Variants in MACROH2A2 observed in about 807,000 individuals in gnomAD.
MACROH2A2 encodes core histone macro-H2A.2.
MACROH2A2 carries 6 observed loss-of-function variants against 37.6 expected under a neutral mutation model. The observed-to-expected ratio is 0.16, with a 90% CI of 0.09 to 0.32. MACROH2A2 has a LOEUF of 0.32. Ranked by LOEUF, MACROH2A2 falls within the 10% of genes least tolerant of loss-of-function variation. The pLI is 1.00. For synonymous variants in MACROH2A2, 192 were observed against 202.7 expected (o/e 0.95, Z 0.45); for missense variants, 290 against 485.9 (o/e 0.60, Z 3.79).
chr10:70,068,247 G>C (rs915317088), intron 1 of MACROH2A2, among the ~76,000 whole-genome samples: 1 of 152,188 alleles, frequency 6.6e-6, no homozygotes, highest in South Asian at 2.1e-4. Context: ...GCTTGTTGGT[G>C]GTGGGCCCTA....
Position 70,075,220 on chromosome 10 carries a change from T to TA in MACROH2A2, c.-59-379dup, listed in dbSNP as rs1403521028. Among the ~76,000 whole-genome samples, 1 of 152,190 alleles carries TA rather than the reference T, an allele frequency of 6.6e-6. No individual in the cohort carries two copies. The highest frequency in any genetic ancestry group is 2.4e-5 in the African/African-American group (1 of 41,448). The stretch of plus-strand genomic sequence containing the variant: ...ATAAACCTCCCCATCTCAAGACCCT[T>TA]AGCTTAATCCCATCTGCAAAGTCTC... On this transcript the variant is annotated intron_variant, in intron 1 of 8. Coordinates refer to ENST00000373255, the MANE Select transcript of MACROH2A2 (RefSeq NM_018649.3). The surrounding 1 kb of genome is among the most constrained non-coding windows in gnomAD (Gnocchi z 5.0).
At chr10:70,079,101 C>G (rs1412650216) in intron 2 of MACROH2A2, among the ~76,000 whole-genome samples, 5 of 152,150 alleles carry the variant, frequency 3.3e-5, no homozygotes, top group Non-Finnish European at 1.5e-5. Context: ...AGATCAGGTG[C>G]TGTCGGGCAG....
chr10:70,073,131 T>C (rs2072120408), intron 1 of MACROH2A2, among the ~76,000 whole-genome samples: 1 of 152,124 alleles, frequency 6.6e-6, no homozygotes, highest in African/African-American at 2.4e-5. Context: ...CTCCTTCCAC[T>C]ATAGCAAGAG....
At chr10:70,101,143 T>C (rs939031400) in intron 7 of MACROH2A2, among the ~76,000 whole-genome samples, 6 of 152,152 alleles carry the variant, frequency 3.9e-5, no homozygotes, top group Non-Finnish European at 2.9e-5. Context: ...CTGTCACTAA[T>C]GTGTGGCGGT....
intron 1 of MACROH2A2, among the ~76,000 whole-genome samples, chr10:70,056,274 T>A (rs920659154): frequency 6.6e-6 from 1 of 152,160 alleles, no homozygotes; most frequent in Non-Finnish European, 1.5e-5. Context: ...TTTGTTGAGA[T>A]GGAGTATCTC....
Position 70,111,599 on chromosome 10 carries a change from G to A in MACROH2A2, c.1035G>A (p.Ser345=), listed in dbSNP as rs761322113. The A allele has an allele frequency of 4.7e-5, 76 of 1,613,652 alleles. No individual in the cohort carries two copies. The highest frequency in any genetic ancestry group is 6.7e-5 in the Admixed American group (4 of 59,944). The change falls in exon 9 of 9, where the codon TCG becomes TCA. Residue 345 remains serine, a synonymous_variant. Transcript: ENST00000373255. ...SAHFDDSSAS[S]LKNVYFLLFD... ...ACTTTGATGACTCGAGCGCGTCCTCGCTGAAGAACGTGTACTTCCTGCTCT... is the reference window on the plus strand; with the variant it reads ...ACTTTGATGACTCGAGCGCGTCCTCACTGAAGAACGTGTACTTCCTGCTCT...
intron 1 of MACROH2A2, among the ~76,000 whole-genome samples, chr10:70,066,587 A>G (rs568435729): frequency 6.6e-6 from 1 of 152,308 alleles, no homozygotes; most frequent in Admixed American, 6.5e-5. Flanking sequence ...CAGGGTCTCT[A>G]CAAAGAACAA....
intron 1 of MACROH2A2, among the ~76,000 whole-genome samples, chr10:70,057,969 T>G (rs1191554076): frequency 6.6e-6 from 1 of 152,154 alleles, no homozygotes; most frequent in Non-Finnish European, 1.5e-5. Flanking sequence ...CCAGGCAGCA[T>G]GACCCCAAAG....
chr10:70,111,413 G>C, intron 8 of MACROH2A2, 105 bp from the exon 9 acceptor site: 1 of 989,044 alleles, frequency 1.0e-6, no homozygotes, highest in Non-Finnish European at 1.5e-6. Flanking sequence ...GCATGGACTA[G>C]CCCTGCACAC....
intron 1 of MACROH2A2, among the ~76,000 whole-genome samples, chr10:70,071,565 A>G (rs775986305): frequency 6.6e-6 from 1 of 152,202 alleles, no homozygotes; most frequent in African/African-American, 2.4e-5. Context: ...TCACTTAACG[A>G]AAGGGGTACG....
intron 8 of MACROH2A2, among the ~76,000 whole-genome samples, chr10:70,110,433 A>G (rs2072364051): frequency 6.6e-6 from 1 of 152,370 alleles, no homozygotes; most frequent in East Asian, 1.9e-4. Flanking sequence ...GGTTTGGAGC[A>G]TACATTTTTG....
chr10:70,068,075 T>G (rs2136620293), intron 1 of MACROH2A2, among the ~76,000 whole-genome samples: 1 of 152,156 alleles, frequency 6.6e-6, no homozygotes, highest in South Asian at 2.1e-4. Context: ...AAACTGTTGC[T>G]CTTCATTTTA....
intron 7 of MACROH2A2, among the ~76,000 whole-genome samples, chr10:70,105,705 G>A (rs1005966559): frequency 4.6e-5 from 7 of 150,602 alleles, no homozygotes; most frequent in South Asian, 2.1e-4. Flanking sequence ...GCTGGGGCCC[G>A]AAGACCATCA....
intron 2 of MACROH2A2, among the ~76,000 whole-genome samples, chr10:70,083,877 C>T (rs2072195600): frequency 6.6e-6 from 1 of 150,748 alleles, no homozygotes; most frequent in Non-Finnish European, 1.5e-5. Flanking sequence ...TAATGTTGGC[C>T]CAGTTCACAT....
intron 1 of MACROH2A2, among the ~76,000 whole-genome samples, chr10:70,071,097 G>A (rs2078414): frequency 0.04 from 6,115 of 152,186 alleles, 153 homozygotes; most frequent in Non-Finnish European, 0.057. Context: ...GTGTGTGTGC[G>A]CGTGTGCACA....
At chr10:70,081,851 G>A (rs577771230) in intron 2 of MACROH2A2, among the ~76,000 whole-genome samples, 1 of 152,220 alleles carries the variant, frequency 6.6e-6, no homozygotes, top group South Asian at 2.1e-4. Context: ...GAGTATAATT[G>A]GATGGTTTGT....
intron 1 of MACROH2A2, among the ~76,000 whole-genome samples, chr10:70,070,553 AC>A (rs1455932814): frequency 6.6e-6 from 1 of 152,040 alleles, no homozygotes; most frequent in African/African-American, 2.4e-5. Context: ...GTGCAATGGT[AC>A]AATCTCGGTT....
intron 1 of MACROH2A2, among the ~76,000 whole-genome samples, chr10:70,057,365 T>A: frequency 6.6e-6 from 1 of 151,364 alleles, no homozygotes; most frequent in Middle Eastern, 3.4e-3. Context: ...GGGTGGGGAG[T>A]GGGAGAATGC....
Position 70,079,565 on chromosome 10 carries a change from GCACACA to G in MACROH2A2, c.172+3771_172+3776del, listed in dbSNP as rs56247035. ...ACGTTGAGGGTTCGCGCGCGCGCGC[GCACACA>G]CACACACACACACACACACACACAC... On this transcript the variant is annotated intron_variant, in intron 2 of 8. Coordinates refer to ENST00000373255, the MANE Select transcript of MACROH2A2 (RefSeq NM_018649.3). Among the ~76,000 whole-genome samples the G allele has an allele frequency of 4.6e-3, 580 of 126,254 alleles. 6 individuals are homozygous for G. Among genetic ancestry groups the G allele is most frequent in the East Asian group, 0.028 (113 of 4,100 alleles). The allele number at this position is 126,254 out of a possible 152,430, so 82.8% of individuals were successfully genotyped here. A position where few individuals can be genotyped will look rare whatever the true frequency, so the allele number is the denominator to read the frequency against.
Sources: gnomAD v4.1 joint callset for allele counts (sites outside exome capture counted in the v4.1 genomes callset) on GRCh38, gnomAD v4.1.1 for gene constraint, Gnocchi (gnomAD v3.1) non-coding constraint, MANE v1.5 for transcripts, NCBI Gene and HGNC (gene_info 2026-07-23, HGNC 2026-07-21) for gene names.